Variants in CBX5 observed in about 807,000 individuals in gnomAD.
The protein encoded by CBX5 is chromobox 5, also known as chromobox protein homolog 5.
A neutral mutation model predicts 20.7 loss-of-function variants in CBX5; 7 were observed. The ratio of observed to expected loss-of-function variants is 0.34; its 90% CI spans 0.19 to 0.63. The LOEUF is 0.63. CBX5 is among the 30% of genes least tolerant of loss of function. The pLI is 0.75. For synonymous variants in CBX5, 78 were observed against 77.0 expected, an observed-to-expected ratio of 1.01 and a Z score of -0.07; for missense variants, 110 against 224.1, an observed-to-expected ratio of 0.49 and a Z score of 3.25.
At chr12:54,242,147 G>A (rs1039621729) in intron 4 of CBX5, among the ~76,000 whole-genome samples, 12 of 152,100 alleles carry the variant, frequency 7.9e-5, no homozygotes, top group African/African-American at 2.9e-4. Flanking sequence ...GTGGGCTTAG[G>A]TTAAAAAGAT....
intron 1 of CBX5, among the ~76,000 whole-genome samples, chr12:54,275,824 G>GGA (rs1172306386): frequency 1.3e-5 from 2 of 151,686 alleles, no homozygotes; most frequent in Non-Finnish European, 2.9e-5. Context: ...TAACCAACAT[G>GGA]GAGAAACCCC....
rs1050841301 is a variant in CBX5, at chr12:54,254,082, T to C, written c.138-1855A>G. Among the ~76,000 whole-genome samples the C allele has an allele frequency of 3.9e-5, 6 of 152,104 alleles. No homozygotes were observed. The South Asian group carries it at 6.2e-4, about 16-fold the overall frequency. ...GTACAATTTCAATGGGTGAATGTTA[T>C]GGTGTTTAAATAATACCTCGATAAA... On this transcript the variant is annotated intron_variant, in intron 2 of 4. Coordinates refer to ENST00000209875, the MANE Select transcript of CBX5 (RefSeq NM_012117.3).
chr12:54,272,388 G>C (rs1448943529), intron 1 of CBX5: 1 of 152,144 alleles, frequency 6.6e-6, no homozygotes, highest in Non-Finnish European at 1.5e-5. Flanking sequence ...CAGGCATTCA[G>C]TGAGTCTGAA....
At chr12:54,263,715 A>G (rs1943931869) in intron 1 of CBX5, among the ~76,000 whole-genome samples, 1 of 145,432 alleles carries the variant, frequency 6.9e-6, no homozygotes, top group South Asian at 2.3e-4. Context: ...GTGAGCTGAG[A>G]TCGCGCCACT....
At chr12:54,271,589 G>A (rs1314574066) in intron 1 of CBX5, among the ~76,000 whole-genome samples, 1 of 152,234 alleles carries the variant, frequency 6.6e-6, no homozygotes, top group Non-Finnish European at 1.5e-5. Context: ...CTCCCAAAGT[G>A]CTGGGATTAC....
chr12:54,271,921 T>C (rs1944014269), intron 1 of CBX5: 1 of 152,230 alleles, frequency 6.6e-6, no homozygotes, highest in African/African-American at 2.4e-5. Context: ...TAAATGAGGT[T>C]TGCTATGTTT....
intron 1 of CBX5, chr12:54,278,749 G>A (rs1311128869): frequency 6.6e-6 from 1 of 152,220 alleles, no homozygotes; most frequent in East Asian, 1.9e-4. Flanking sequence ...GAATAATCCA[G>A]GTGATGGATG....
intron 1 of CBX5, among the ~76,000 whole-genome samples, chr12:54,278,078 C>T (rs1379674104): frequency 6.6e-6 from 1 of 152,166 alleles, no homozygotes; most frequent in Non-Finnish European, 1.5e-5. Flanking sequence ...CCCTACCTCC[C>T]CGGACATTTG....
chr12:54,266,852 C>T (rs1021044231), intron 1 of CBX5, among the ~76,000 whole-genome samples: 6 of 152,040 alleles, frequency 3.9e-5, no homozygotes, highest in East Asian at 3.9e-4. Context: ...TTCAGAAACA[C>T]GCATTCTATT....
At position 54,275,669 on chromosome 12, in the gene CBX5, A is replaced by G. The variant is rs114035537; in HGVS notation, c.-43+4339T>C. On this transcript the variant is annotated intron_variant, in intron 1 of 4. Coordinates refer to ENST00000209875, the MANE Select transcript of CBX5 (RefSeq NM_012117.3). ...GAATTTCAATGAAAAATTACCCACT[A>G]AAATTTCACCACCAGAGAGAAAAGT... is the stretch of plus-strand genomic sequence containing the variant. Among the ~76,000 whole-genome samples, 995 of 152,254 alleles carry G rather than the reference A, an allele frequency of 6.5e-3. 17 individuals carry two copies. The highest frequency in any genetic ancestry group is 0.023 in the African/African-American group (950 of 41,530).
Position 54,251,099 on chromosome 12 carries a change from C to T in CBX5, c.324+942G>A, listed in dbSNP as rs1186383689. Among the ~76,000 whole-genome samples, 3 of 151,304 alleles carry T rather than the reference C, an allele frequency of 2.0e-5. 1 individual carries two copies. The highest frequency in any genetic ancestry group is 2.0e-4 in the Admixed American group (3 of 15,156). On this transcript the variant is annotated intron_variant, in intron 3 of 4. Transcript: ENST00000209875. ...TGAGCCAAGATCGCACTATTGCACT[C>T]AAGCCTGGGTGACAGAGCGATATTC... is the stretch of plus-strand genomic sequence containing the variant.
chr12:54,269,832 G>A (rs1365935355), intron 1 of CBX5, among the ~76,000 whole-genome samples: 1 of 152,070 alleles, frequency 6.6e-6, no homozygotes, highest in African/African-American at 2.4e-5. Context: ...TTGAACTCTT[G>A]GCCTCCCAAA....
At chr12:54,273,501 T>A (rs4759075) in intron 1 of CBX5, 1 of 151,962 alleles carries the variant, frequency 6.6e-6, no homozygotes, top group African/African-American at 2.4e-5. Context: ...GAATAAAATA[T>A]ATTTTAAATC....
At chr12:54,243,004 G>T (rs1431763472) in intron 4 of CBX5, among the ~76,000 whole-genome samples, 7 of 151,924 alleles carry the variant, frequency 4.6e-5, no homozygotes, top group African/African-American at 1.7e-4. Flanking sequence ...CATGCTTGTG[G>T]TCCCAGCTAC....
intron 1 of CBX5, chr12:54,259,175 T>C (rs1040048010): frequency 6.6e-6 from 1 of 152,140 alleles, no homozygotes; most frequent in Non-Finnish European, 1.5e-5. Flanking sequence ...GAAAATATCT[T>C]ATGTGCTTTA....
chr12:54,276,937 T>A (rs1944075133), intron 1 of CBX5: 1 of 152,338 alleles, frequency 6.6e-6, no homozygotes, highest in East Asian at 1.9e-4. Context: ...AGGCAAAGTC[T>A]ACCTTCTTCA....
intron 4 of CBX5, among the ~76,000 whole-genome samples, chr12:54,243,115 C>A (rs1364399987): frequency 2.6e-5 from 4 of 151,694 alleles, no homozygotes; most frequent in South Asian, 2.1e-4. Flanking sequence ...CAGAGTGAGA[C>A]CCTGTCTCAA....
chr12:54,244,967 T>C (rs1013575076), intron 4 of CBX5, among the ~76,000 whole-genome samples: 1 of 151,918 alleles, frequency 6.6e-6, no homozygotes, highest in African/African-American at 2.4e-5. Flanking sequence ...AATTCAGAAC[T>C]GTGTAAACAA....
chr12:54,257,417 G>T, intron 2 of CBX5, 97 bp downstream of exon 2: 1 of 1,278,720 alleles, frequency 7.8e-7, no homozygotes, highest in Non-Finnish European at 1.1e-6. Context: ...GCAGGAGGGG[G>T]AAGAAAAAGA....
Sources: gnomAD v4.1 joint callset for allele counts (sites outside exome capture counted in the v4.1 genomes callset) on GRCh38, gnomAD v4.1.1 for gene constraint, MANE v1.5 for transcripts, NCBI Gene and HGNC (gene_info 2026-07-23, HGNC 2026-07-21) for gene names.